Variants in OSBPL6 observed in about 807,000 individuals in gnomAD.
The protein encoded by OSBPL6 is oxysterol-binding protein-related protein 6.
Under a neutral mutation model 125.8 loss-of-function variants are expected in OSBPL6, and 49 were observed. The observed-to-expected ratio is 0.39, with a 90% CI of 0.31 to 0.49. The LOEUF (loss-of-function observed/expected upper bound fraction) is 0.49, where lower values mean the gene tolerates loss of function less well. Ranked by LOEUF, OSBPL6 falls within the 20% of genes least tolerant of loss-of-function variation. The probability of loss-of-function intolerance (pLI) is 0.88; values close to 1 mark genes in which losing one functional copy is unlikely to be tolerated. For missense variants in OSBPL6, 986 were observed against 1,135.4 expected (o/e 0.87, Z 1.89); for synonymous variants, 394 against 391.8 (o/e 1.01, Z -0.07).
At chr2:178,270,999 G>T (rs982526579) in intron 1 of OSBPL6, among the ~76,000 whole-genome samples, 9 of 152,128 alleles carry the variant, frequency 5.9e-5, no homozygotes, top group African/African-American at 1.9e-4. Context: ...AATTAAGCCT[G>T]TTTAACTCCG....
At chr2:178,371,644 A>G (rs1693394322) in intron 13 of OSBPL6, among the ~76,000 whole-genome samples, 2 of 152,330 alleles carry the variant, frequency 1.3e-5, no homozygotes, top group Admixed American at 1.3e-4. Flanking sequence ...ACACACTAAA[A>G]TATAATTCTA....
chr2:178,199,520 C>A (rs1559107246), intron 1 of OSBPL6, among the ~76,000 whole-genome samples: 1 of 151,366 alleles, frequency 6.6e-6, no homozygotes, highest in Non-Finnish European at 1.5e-5. Context: ...AGTCTTCAAC[C>A]TTTAGCTGCC....
chr2:178,270,535 C>T (rs745845481), intron 1 of OSBPL6, among the ~76,000 whole-genome samples: 6 of 152,242 alleles, frequency 3.9e-5, no homozygotes, highest in Admixed American at 1.3e-4. Flanking sequence ...GAATGTGAAC[C>T]GACATGGTTC....
intron 19 of OSBPL6, among the ~76,000 whole-genome samples, chr2:178,386,577 A>G (rs1694950184): frequency 1.3e-5 from 2 of 152,206 alleles, no homozygotes; most frequent in South Asian, 2.1e-4. Flanking sequence ...CTATACTCCA[A>G]TTATTTTTAG....
intron 1 of OSBPL6, among the ~76,000 whole-genome samples, chr2:178,261,825 A>G (rs967623996): frequency 1.3e-5 from 2 of 152,308 alleles, no homozygotes; most frequent in South Asian, 4.2e-4. Flanking sequence ...CTCACTTTGA[A>G]CACTTTCTTG....
Position 178,349,289 on chromosome 2 carries a change from T to C in OSBPL6, c.1053T>C (p.Asp351=). The part of the protein sequence containing the change: ...LHSSNPNLCA[D]IEFQTPPSHL... ...CCTCCAACCCCAACCTTTGTGCAGA[T>C]ATTGAATTTCAGACTCCCCCTAGCC... Residue 351 remains aspartate (D), a synonymous_variant, in exon 12 of 25, where the codon GAT becomes GAC. Coordinates refer to ENST00000190611, the MANE Select transcript of OSBPL6 (RefSeq NM_032523.4). 6.2e-7 allele frequency: 1 copy of C among 1,614,158 alleles called. No homozygotes were observed. The highest frequency in any genetic ancestry group is 8.5e-7 in the Non-Finnish European group (1 of 1,179,974).
At position 178,210,561 on chromosome 2, in the gene OSBPL6, A is replaced by T. The variant is rs377687791; in HGVS notation, c.-351+15887A>T. On this transcript the variant is annotated intron_variant, in intron 1 of 24. Coordinates refer to ENST00000190611, the MANE Select transcript of OSBPL6 (RefSeq NM_032523.4). The stretch of plus-strand genomic sequence containing the variant: ...AGTGATTCATGCCTGTAATCCTAGC[A>T]CTTTGGGAGGCTGAGGCGGCAAATC... Among the ~76,000 whole-genome samples, 11 of 152,168 alleles carry T rather than the reference A, an allele frequency of 7.2e-5. 1 individual carries two copies. In the South Asian group the frequency reaches 2.3e-3, roughly 32 times the overall value.
rs374458773 is a variant in OSBPL6, at chr2:178,257,884, G to T, written c.-350-27043G>T. Among the ~76,000 whole-genome samples, 682 of 151,744 alleles carry T rather than the reference G, an allele frequency of 4.5e-3. 9 individuals are homozygous for T. Among genetic ancestry groups the T allele is most frequent in the African/African-American group, 0.016 (651 of 41,326 alleles). On this transcript the variant is annotated intron_variant, in intron 1 of 24. Transcript: ENST00000190611. Reference sequence around the variant, plus strand: ...AATCAGTGCAGGCTTGACCTCCTGGGCTCAAGTGATCCTCCTGCCTAAGCC... The same window carrying T: ...AATCAGTGCAGGCTTGACCTCCTGGTCTCAAGTGATCCTCCTGCCTAAGCC...
chr2:178,194,015 G>C (rs2088677515), upstream of OSBPL6, among the ~76,000 whole-genome samples: 1 of 152,226 alleles, frequency 6.6e-6, no homozygotes, highest in African/African-American at 2.4e-5. Context: ...AGGCCGCCAG[G>C]CAGCCGTTCC....
chr2:178,279,906 A>G (rs1273372049), intron 1 of OSBPL6, among the ~76,000 whole-genome samples: 2 of 152,210 alleles, frequency 1.3e-5, no homozygotes, highest in Non-Finnish European at 2.9e-5. Flanking sequence ...TTTCTTAATT[A>G]AAATGAGGTT....
At chr2:178,311,719 G>A (rs1180161831) in intron 3 of OSBPL6, among the ~76,000 whole-genome samples, 3 of 152,178 alleles carry the variant, frequency 2.0e-5, no homozygotes, top group African/African-American at 7.2e-5. Flanking sequence ...AGATGATATT[G>A]TTTGGAGTTC....
At chr2:178,316,072 C>T (rs556866291) in intron 3 of OSBPL6, among the ~76,000 whole-genome samples, 3 of 152,276 alleles carry the variant, frequency 2.0e-5, no homozygotes, top group South Asian at 2.1e-4. Flanking sequence ...AAGTTCTGCA[C>T]ATACTGTATG....
chr2:178,285,544 T>C (rs1684618366), intron 2 of OSBPL6, among the ~76,000 whole-genome samples: 1 of 152,240 alleles, frequency 6.6e-6, no homozygotes, highest in South Asian at 2.1e-4. Context: ...TAATCTTCCA[T>C]AGTAAACAAT....
intron 1 of OSBPL6, among the ~76,000 whole-genome samples, chr2:178,274,307 ATT>A (rs373465330): frequency 1.1e-4 from 16 of 139,818 alleles, no homozygotes; most frequent in Non-Finnish European, 1.3e-4. Flanking sequence ...GGCGAGGTCA[ATT>A]TTTTTTTTTT....
intron 5 of OSBPL6, among the ~76,000 whole-genome samples, chr2:178,330,222 C>T (rs6757218): frequency 0.035 from 2,970 of 84,852 alleles, 78 homozygotes; most frequent in African/African-American, 0.12. Flanking sequence ...GAAATGGAAA[C>T]CACAGGAAAA....
chr2:178,305,713 G>T (rs895078544), intron 2 of OSBPL6, among the ~76,000 whole-genome samples: 1 of 152,164 alleles, frequency 6.6e-6, no homozygotes, highest in African/African-American at 2.4e-5. Flanking sequence ...TTACGTTTCC[G>T]GAGGAGAATC....
intron 1 of OSBPL6, among the ~76,000 whole-genome samples, chr2:178,244,487 G>T (rs12693156): frequency 6.6e-6 from 1 of 151,954 alleles, no homozygotes; most frequent in Non-Finnish European, 1.5e-5. Flanking sequence ...ACTGTGTCTG[G>T]CACATATTAG....
chr2:178,279,354 T>C (rs923477191), intron 1 of OSBPL6, among the ~76,000 whole-genome samples: 89 of 152,318 alleles, frequency 5.8e-4, no homozygotes, highest in African/African-American at 2.0e-3. Context: ...GAAAATTCTG[T>C]TGCAAAGATA....
At chr2:178,254,537 T>C (rs981448539) in intron 1 of OSBPL6, among the ~76,000 whole-genome samples, 20 of 152,184 alleles carry the variant, frequency 1.3e-4, no homozygotes, top group African/African-American at 4.8e-4. Flanking sequence ...AGTATTACAA[T>C]GTTTGAAATG....
Sources: allele counts gnomAD v4.1 joint callset (sites outside exome capture counted in the v4.1 genomes callset), GRCh38; gene constraint gnomAD v4.1.1; transcripts MANE v1.5; gene names NCBI Gene and HGNC (gene_info 2026-07-23, HGNC 2026-07-21).